CSTF3: variants seen among roughly 807,000 people sequenced by gnomAD.
The protein encoded by CSTF3 is cleavage stimulation factor subunit 3.
In CSTF3, 29 loss-of-function variants were observed where a neutral mutation model predicts 105.8. That is an observed-to-expected ratio of 0.27 (90% CI 0.20 to 0.37). The LOEUF is 0.37. Ranked by LOEUF, CSTF3 falls within the 10% of genes least tolerant of loss-of-function variation. The pLI is 1.00. For missense variants in CSTF3, 357 were observed against 879.3 expected (o/e 0.41, Z 7.51); for synonymous variants, 252 against 281.9 (o/e 0.89, Z 1.06).
chr11:33,154,150 T>C (rs908210293), intron 1 of CSTF3, among the ~76,000 whole-genome samples: 3 of 152,222 alleles, frequency 2.0e-5, no homozygotes, highest in Admixed American at 2.0e-4. Flanking sequence ...ACCACTGTGG[T>C]ACCTGTTTCA....
At chr11:33,122,864 C>T (rs543847474) in intron 3 of CSTF3, among the ~76,000 whole-genome samples, 1 of 144,706 alleles carries the variant, frequency 6.9e-6, no homozygotes, top group African/African-American at 2.6e-5. Context: ...TGCACTAAGC[C>T]GTGATCACAC....
At chr11:33,085,605 A>C in intron 20 of CSTF3, 108 bp downstream of exon 20, 2 of 1,010,900 alleles carry the variant, frequency 2.0e-6, no homozygotes, top group Non-Finnish European at 3.1e-6. Context: ...CTGCACTTCA[A>C]ATTGGCTGGC....
At chr11:33,107,351 A>T (rs1410948070) in intron 5 of CSTF3, among the ~76,000 whole-genome samples, 15 of 152,154 alleles carry the variant, frequency 9.9e-5, no homozygotes, top group Admixed American at 9.8e-4. Context: ...AAGTATAATC[A>T]GGAAAAGACA....
intron 14 of CSTF3, 97 bp from the exon 15 acceptor site, chr11:33,096,505 G>A: frequency 2.6e-6 from 2 of 768,864 alleles, no homozygotes; most frequent in Non-Finnish European, 4.2e-6. Context: ...GACAAAATAT[G>A]TAAGAATTAA....
intron 17 of CSTF3, 146 bp from the exon 18 acceptor site, chr11:33,087,287 G>A (rs1366558919): frequency 3.8e-6 from 3 of 788,898 alleles, no homozygotes; most frequent in Non-Finnish European, 6.1e-6. Context: ...CTCTAATGAT[G>A]GTAAAGATTG....
rs1341986742 is a variant in CSTF3, at chr11:33,112,806, T to G, written c.226-4388A>C. On this transcript the variant is annotated intron_variant, in intron 3 of 20. Coordinates refer to ENST00000323959, the MANE Select transcript of CSTF3 (RefSeq NM_001326.3). ...AAATTCTAAAAATAAAAAAAAATTC[T>G]TGATACCTAAGATTACTTTGTTTTG... 2.0e-5 allele frequency among the ~76,000 whole-genome samples: 3 copies of G among 152,364 alleles called. No individual in the cohort carries two copies. The East Asian group carries it at 5.8e-4, about 29-fold the overall frequency.
rs756084169 is a variant in CSTF3, at chr11:33,161,346, T to C, written c.-21A>G. On this transcript the variant is annotated 5_prime_UTR_variant, in exon 1 of 21. Transcript: ENST00000323959. ...GACATGGCCTCAGCTGATTACAACG[T>C]GCGCACTGACCGTCGATGGGAAGCT... The C allele has an allele frequency of 7.4e-6, 12 of 1,612,258 alleles. No homozygotes were observed. The Admixed American group carries it at 1.8e-4, about 25-fold the overall frequency.
chr11:33,085,379 CTAT>C, intron 20 of CSTF3, 90 bp from the exon 21 acceptor site: 1 of 806,944 alleles, frequency 1.2e-6, no homozygotes, highest in South Asian at 2.2e-5. Flanking sequence ...TCATAGCCTA[CTAT>C]TTTAGCAAAA....
At position 33,161,439 on chromosome 11, in the gene CSTF3, G is replaced by C. The variant is rs1180141179; in HGVS notation, c.-114C>G. ...AGTTACCCCCTGCCCAGCTGAGCCAGACCGCCAACACCAATCGCCACCGCC... is the reference window on the plus strand; with the variant it reads ...AGTTACCCCCTGCCCAGCTGAGCCACACCGCCAACACCAATCGCCACCGCC... On this transcript the variant is annotated 5_prime_UTR_variant, in exon 1 of 21. Coordinates refer to ENST00000323959, the MANE Select transcript of CSTF3 (RefSeq NM_001326.3). 1.8e-6 allele frequency: 2 copies of C among 1,108,848 alleles called. No individual in the cohort carries two copies. Among genetic ancestry groups the C allele is most frequent in the Admixed American group, 3.7e-5 (2 of 54,458 alleles). 68.7% of individuals were successfully genotyped at this position (1,108,848 alleles called of 1,614,324 possible).
At chr11:33,133,596 C>T (rs894689001) in intron 3 of CSTF3, among the ~76,000 whole-genome samples, 2 of 152,344 alleles carry the variant, frequency 1.3e-5, no homozygotes, top group East Asian at 3.9e-4. Context: ...GGTGCAGTGG[C>T]TTACGCCTGT....
intron 17 of CSTF3, among the ~76,000 whole-genome samples, chr11:33,088,616 TTATTTTA>T (rs1855132535): frequency 6.6e-6 from 1 of 151,710 alleles, no homozygotes; most frequent in Non-Finnish European, 1.5e-5. Context: ...TTTTTATTTT[TTATTTTA>T]TTTTTTTAAG....
At chr11:33,101,086 C>T (rs1349258705) in intron 10 of CSTF3, among the ~76,000 whole-genome samples, 3 of 152,144 alleles carry the variant, frequency 2.0e-5, no homozygotes, top group Non-Finnish European at 4.4e-5. Flanking sequence ...AGGTGAGATC[C>T]ATATTTAAAT....
intron 3 of CSTF3, among the ~76,000 whole-genome samples, chr11:33,112,832 A>G (rs1245799895): frequency 6.6e-6 from 1 of 152,196 alleles, no homozygotes; most frequent in Non-Finnish European, 1.5e-5. Flanking sequence ...CTTTGTTTTG[A>G]CATTTGGGAT....
At chr11:33,155,765 A>C (rs1590291469) in intron 1 of CSTF3, among the ~76,000 whole-genome samples, 1 of 152,324 alleles carries the variant, frequency 6.6e-6, no homozygotes, top group South Asian at 2.1e-4. Flanking sequence ...CAACAAAACA[A>C]AACAAAAAGA....
intron 18 of CSTF3, 47 bp downstream of exon 18, chr11:33,086,941 A>C (rs1221994455): frequency 1.2e-6 from 2 of 1,612,396 alleles, no homozygotes; most frequent in South Asian, 2.2e-5. Context: ...GATTTAAATC[A>C]ACAAACAAAC....
At chr11:33,140,166 C>G (rs753857798) in intron 3 of CSTF3, among the ~76,000 whole-genome samples, 2 of 152,026 alleles carry the variant, frequency 1.3e-5, no homozygotes, top group African/African-American at 4.8e-5. Flanking sequence ...TAAAGCCAGA[C>G]TAGAATGCAG....
intron 1 of CSTF3, among the ~76,000 whole-genome samples, chr11:33,157,619 G>C (rs965632231): frequency 6.6e-6 from 1 of 152,082 alleles, no homozygotes; most frequent in Non-Finnish European, 1.5e-5. Context: ...CTTTAGCAGT[G>C]ATTTTGCTTG....
At chr11:33,150,503 C>T (rs1855846349) in intron 1 of CSTF3, among the ~76,000 whole-genome samples, 1 of 152,078 alleles carries the variant, frequency 6.6e-6, no homozygotes, top group Non-Finnish European at 1.5e-5. Flanking sequence ...TACATATTAC[C>T]AATGACTTAA....
At chr11:33,146,494 G>A (rs1458607061) in intron 1 of CSTF3, among the ~76,000 whole-genome samples, 2 of 151,148 alleles carry the variant, frequency 1.3e-5, no homozygotes, top group African/African-American at 4.9e-5. Context: ...TCAAGGATGC[G>A]GTGAGCTATA....
Sources: gnomAD v4.1 joint callset for allele counts (sites outside exome capture counted in the v4.1 genomes callset) on GRCh38, gnomAD v4.1.1 for gene constraint, MANE v1.5 for transcripts, NCBI Gene and HGNC (gene_info 2026-07-23, HGNC 2026-07-21) for gene names.